The following KHSRP variants were observed in gnomAD, a reference collection of about 807,000 sequenced individuals.
KHSRP encodes the protein far upstream element-binding protein 2.
In KHSRP, 13 loss-of-function variants were observed where a neutral mutation model predicts 94.9. The observed-to-expected ratio is 0.14, with a 90% CI of 0.09 to 0.22. The LOEUF (loss-of-function observed/expected upper bound fraction) is 0.22, where lower values mean the gene tolerates loss of function less well. Ranked by LOEUF, KHSRP falls within the 10% of genes least tolerant of loss-of-function variation. The pLI, the probability that KHSRP is intolerant of heterozygous loss-of-function variation, is 1.00. For synonymous variants in KHSRP, 495 were observed against 401.4 expected, an observed-to-expected ratio of 1.23 and a Z score of -2.79; for missense variants, 710 against 1,010.0, an observed-to-expected ratio of 0.70 and a Z score of 4.03.
intron 1 of KHSRP, among the ~76,000 whole-genome samples, chr19:6,423,175 A>G (rs557011130): frequency 6.6e-6 from 1 of 152,172 alleles, no homozygotes; most frequent in Non-Finnish European, 1.5e-5. Flanking sequence ...GCTACTCGGG[A>G]GGCTGAGGCA....
intron 5 of KHSRP, 82 bp downstream of exon 5, chr19:6,420,340 G>T: frequency 7.1e-7 from 1 of 1,401,676 alleles, no homozygotes; most frequent in Non-Finnish European, 1.0e-6. Context: ...CTCAGACCAG[G>T]GCTTCTGGGC....
At position 6,415,107 on chromosome 19, in the gene KHSRP, AAGGAGGAGG is replaced by A; in HGVS notation, c.2152_2160del (p.Pro718_Pro720del). The A allele has an allele frequency of 6.3e-7, 1 of 1,596,034 alleles. No individual in the cohort carries two copies. Among genetic ancestry groups the A allele is most frequent in the Non-Finnish European group, 8.5e-7 (1 of 1,177,932 alleles). On this transcript the variant is annotated inframe_deletion, in exon 19 of 19. Transcript: ENST00000600480. ...ACGGTGGCCGGGGGTTGGAAGGAGAAAGGAGGAGGAGGAGGGTGGCAATTCCCACTTGCC... is the reference window on the plus strand; with the variant it reads ...ACGGTGGCCGGGGGTTGGAAGGAGAAAGGAGGGTGGCAATTCCCACTTGCC...
chr19:6,420,572 A>G (rs1262698144), intron 4 of KHSRP, 101 bp from the exon 5 acceptor site: 1 of 1,065,794 alleles, frequency 9.4e-7, no homozygotes, highest in African/African-American at 1.6e-5. Flanking sequence ...AGGTCTAAGC[A>G]GAGTCTGACC....
In KHSRP at chr19:6,414,482, C is replaced by G. The variant is rs899997287; in HGVS notation, c.*542G>C. 1 of 1,102,948 alleles carries G rather than the reference C, an allele frequency of 9.1e-7. No individual in the cohort carries two copies. The highest frequency in any genetic ancestry group is 1.6e-5 in the African/African-American group (1 of 61,070). The allele number at this position is 1,102,948 out of a possible 1,614,324, so 68.3% of individuals were successfully genotyped here. On this transcript the variant is annotated 3_prime_UTR_variant, in exon 19 of 19. Transcript: ENST00000600480. ...AGAGATCATGGTGTCCCCACAACAC[C>G]CCTGTGAGGTAGGTTGGAAGGTGGC...
At chr19:6,416,066 C>T (rs1489789542) in intron 15 of KHSRP, among the ~76,000 whole-genome samples, 170 bp from the exon 16 acceptor site, 2 of 151,604 alleles carry the variant, frequency 1.3e-5, no homozygotes, top group African/African-American at 4.8e-5. Flanking sequence ...GGACGCGCAG[C>T]GTCAGCTTGA....
rs1616305 is a variant in KHSRP, at chr19:6,415,432, T to C, written c.1914A>G (p.Ala638=). Residue 638 remains alanine, a synonymous_variant, in exon 18 of 19, where the codon GCA becomes GCG. Coordinates refer to ENST00000600480, the MANE Select transcript of KHSRP (RefSeq NM_001366299.1). Reference sequence around the variant, plus strand: ...CCTTCGTGTAGTCCTGCTGTGGGGGTGCTCCGGGCTGCTGGGGCTGCTGGC... The same window carrying C: ...CCTTCGTGTAGTCCTGCTGTGGGGGCGCTCCGGGCTGCTGGGGCTGCTGGC... The part of the protein sequence containing the change: ...KIGQQPQQPG[A]PPQQDYTKAW... 0.98 allele frequency: 1,550,396 copies of C among 1,576,760 alleles called. 762,327 individuals carry two copies. The highest frequency in any genetic ancestry group is 1 in the East Asian group (42,793 of 42,798).
chr19:6,415,067 A>G lies in KHSRP; in HGVS notation c.2201T>C (p.Val734Ala), dbSNP rs775686113. 6 of 1,581,628 alleles carry G rather than the reference A, an allele frequency of 3.8e-6. No homozygotes were observed. In the Admixed American group the frequency reaches 1.1e-4, roughly 28 times the overall value. Residue 734 changes from valine (V) to alanine (A), a missense_variant, in exon 19 of 19, where the codon GTG becomes GCG. Around this residue, in one of 5 missense-constraint regions of KHSRP, gnomAD observed 292 missense variants for 340.5 expected, o/e 0.86. Coordinates refer to ENST00000600480, the MANE Select transcript of KHSRP (RefSeq NM_001366299.1). ...QPPATVHPAL[V>A]GSAGNPFPCG... The stretch of plus-strand genomic sequence containing the variant: ...GGGGAAGGGGTTTCCGGCGCTACCC[A>G]CTAAGGCAGGATGGACGGTGGCCGG...
At chr19:6,417,291 T>C (rs2092154901) in intron 11 of KHSRP, among the ~76,000 whole-genome samples, 2 of 151,838 alleles carry the variant, frequency 1.3e-5, no homozygotes, top group Admixed American at 6.6e-5. Context: ...AGCCAGGAGG[T>C]GGCTCAAGCT....
At position 6,413,179 on chromosome 19, in the gene KHSRP, C is replaced by A. The variant is rs2092111774; in HGVS notation, c.*1845G>T. On this transcript the variant is annotated 3_prime_UTR_variant, in exon 19 of 19. Coordinates refer to ENST00000600480, the MANE Select transcript of KHSRP (RefSeq NM_001366299.1). ...GCACGGTTAGGAAAGCACATTGAGCCTGAAGAAAACTATTTTATATTTTTC... is the reference window on the plus strand; with the variant it reads ...GCACGGTTAGGAAAGCACATTGAGCATGAAGAAAACTATTTTATATTTTTC... 6.7e-6 allele frequency among the ~76,000 whole-genome samples: 1 copy of A among 148,392 alleles called. No individual in the cohort carries two copies. The highest frequency in any genetic ancestry group is 2.5e-5 in the African/African-American group (1 of 40,210).
chr19:6,416,914 ACCCTGGAAGCCGGTCTGGTCTTGCACTC>A, intron 12 of KHSRP, 32 bp from the exon 13 acceptor site: 1 of 1,612,438 alleles, frequency 6.2e-7, no homozygotes, highest in Non-Finnish European at 8.5e-7. Context: ...AGGATGATGA[ACCCTGGAAGCCGGTCTGGTCTTGCACTC>A]CCCTGGAGGC....
chr19:6,421,829 G>A (rs1454136485), intron 2 of KHSRP, 141 bp from the exon 3 acceptor site: 13 of 946,946 alleles, frequency 1.4e-5, no homozygotes, highest in African/African-American at 3.3e-5. Flanking sequence ...GCCCAGGAGA[G>A]ACTGGCCCCT....
intron 14 of KHSRP, 24 bp from the exon 15 acceptor site, chr19:6,416,431 G>C (rs908822531): frequency 6.2e-7 from 1 of 1,612,924 alleles, no homozygotes; most frequent in South Asian, 1.1e-5. Flanking sequence ...GAGTAACCAA[G>C]GTAAGTGGGC....
Position 6,415,621 on chromosome 19 carries a change from G to C in KHSRP, c.1801C>G (p.Pro601Ala), listed in dbSNP as rs1465654128. The change falls in exon 17 of 19, where the codon CCA (proline) becomes GCA (alanine). Residue 601 changes from proline (P) to alanine (A), a missense_variant. By Grantham distance (27) the Pro-to-Ala change is conservative. Around this residue, in one of 5 missense-constraint regions of KHSRP, gnomAD observed 292 missense variants for 340.5 expected, o/e 0.86. Coordinates refer to ENST00000600480, the MANE Select transcript of KHSRP (RefSeq NM_001366299.1). ...VPGPAPAPAA[P>A]PAQGEPPQPP... ...TGAGGGGGCTCACCCTGAGCCGGTGGGGCCGCAGGGGCCGGTGCGGGGCCG... is the reference window on the plus strand; with the variant it reads ...TGAGGGGGCTCACCCTGAGCCGGTGCGGCCGCAGGGGCCGGTGCGGGGCCG... The C allele has an allele frequency of 7.2e-6, 11 of 1,519,928 alleles. No individual in the cohort carries two copies. The highest frequency in any genetic ancestry group is 1.4e-5 in the African/African-American group (1 of 72,530). The allele number at this position is 1,519,928 out of a possible 1,614,324, so 94.2% of individuals were successfully genotyped here. A position where few individuals can be genotyped will look rare whatever the true frequency, so the allele number is the denominator to read the frequency against.
At chr19:6,422,088 C>T (rs73920664) in intron 2 of KHSRP, among the ~76,000 whole-genome samples, 3,319 of 152,264 alleles carry the variant, frequency 0.022, 128 homozygotes, top group African/African-American at 0.076. Flanking sequence ...TTGCCTCAGC[C>T]TCCCAGAAAG....
chr19:6,424,172 G>C (rs894345363), intron 1 of KHSRP: 2 of 152,356 alleles, frequency 1.3e-5, no homozygotes, highest in East Asian at 2.0e-4. Flanking sequence ...GGGCTAAGGG[G>C]GGGGTCCCAA....
chr19:6,417,459 C>CG (rs2092157264), intron 11 of KHSRP, among the ~76,000 whole-genome samples: 1 of 152,168 alleles, frequency 6.6e-6, no homozygotes, highest in Non-Finnish European at 1.5e-5. Context: ...ATCCAGCCTG[C>CG]GGGGCACCCA....
chr19:6,419,007 C>T (rs2092176564), intron 7 of KHSRP, 131 bp from the exon 8 acceptor site: 1 of 1,159,944 alleles, frequency 8.6e-7, no homozygotes, highest in African/African-American at 1.6e-5. Flanking sequence ...GGGCCAGTCA[C>T]AGGGGCTGTT....
intron 5 of KHSRP, 67 bp from the exon 6 acceptor site, chr19:6,420,211 G>T: frequency 7.0e-7 from 1 of 1,436,374 alleles, no homozygotes; most frequent in Non-Finnish European, 9.7e-7. Flanking sequence ...TCAGGAGACT[G>T]TGTGGCCGGG....
intron 2 of KHSRP, 72 bp from the exon 3 acceptor site, chr19:6,421,760 A>C (rs1474019601): frequency 1.3e-6 from 2 of 1,563,706 alleles, no homozygotes; most frequent in African/African-American, 1.4e-5. Flanking sequence ...TGCTGGTGCC[A>C]CATGTCCAAG....
Sources: allele counts gnomAD v4.1 joint callset (sites outside exome capture counted in the v4.1 genomes callset), GRCh38; gene constraint gnomAD v4.1.1; regional missense constraint gnomAD v4.1.1; transcripts MANE v1.5; gene names NCBI Gene and HGNC (gene_info 2026-07-23, HGNC 2026-07-21).